The following SGCZ variants were observed in gnomAD, a reference collection of about 807,000 sequenced individuals.
The protein encoded by SGCZ is zeta-sarcoglycan.
In SGCZ, 40 loss-of-function variants were observed where a neutral mutation model predicts 41.3. The observed-to-expected ratio is 0.97, with a 90% CI of 0.75 to 1.26. The LOEUF is 1.26. Ranked by LOEUF, SGCZ falls within the 50% of genes most tolerant of loss-of-function variation. The probability of loss-of-function intolerance (pLI) is 0.00; values close to 1 mark genes in which losing one functional copy is unlikely to be tolerated. For synonymous variants in SGCZ, 206 were observed against 137.5 expected (o/e 1.50, Z -3.49); for missense variants, 552 against 369.8 (o/e 1.49, Z -4.04).
At chr8:15,039,108 T>A (rs1278339807) in intron 1 of SGCZ, among the ~76,000 whole-genome samples, 1 of 152,126 alleles carries the variant, frequency 6.6e-6, no homozygotes, top group East Asian at 1.9e-4. Flanking sequence ...TGCCATATGA[T>A]CCAGCAACTC....
At chr8:14,217,355 A>G (rs1806035339) in intron 4 of SGCZ, among the ~76,000 whole-genome samples, 1 of 151,572 alleles carries the variant, frequency 6.6e-6, no homozygotes, top group Non-Finnish European at 1.5e-5. Context: ...ACGCACACAT[A>G]CAAATGGATA....
chr8:14,999,434 G>C lies in SGCZ; in HGVS notation c.39+238151C>G, dbSNP rs537849433. ...AGAATGGGTTAGCCAGGCAAAGGAGGAGGAGGAAGAGGAGGAAAAAGTTCT... is the reference window on the plus strand; with the variant it reads ...AGAATGGGTTAGCCAGGCAAAGGAGCAGGAGGAAGAGGAGGAAAAAGTTCT... On this transcript the variant is annotated intron_variant, in intron 1 of 7. Transcript: ENST00000382080. Among the ~76,000 whole-genome samples the C allele has an allele frequency of 7.0e-4, 106 of 152,246 alleles. 1 individual carries two copies. The highest frequency in any genetic ancestry group is 3.4e-3 in the Middle Eastern group (1 of 294).
intron 1 of SGCZ, among the ~76,000 whole-genome samples, chr8:14,908,929 T>A (rs1203194988): frequency 6.6e-6 from 1 of 152,176 alleles, no homozygotes; most frequent in Non-Finnish European, 1.5e-5. Context: ...CAAATGTTTT[T>A]CTTGCAGATT....
At chr8:15,089,968 C>T (rs950189953) in intron 1 of SGCZ, among the ~76,000 whole-genome samples, 2 of 152,142 alleles carry the variant, frequency 1.3e-5, no homozygotes, top group South Asian at 2.1e-4. Flanking sequence ...TGAGATAATA[C>T]GGTTATCAGA....
chr8:14,692,439 A>G (rs192091792), intron 1 of SGCZ, among the ~76,000 whole-genome samples: 64 of 152,282 alleles, frequency 4.2e-4, no homozygotes, highest in African/African-American at 1.5e-3. Context: ...AATAATACCT[A>G]CATACTATAA....
intron 4 of SGCZ, among the ~76,000 whole-genome samples, chr8:14,230,446 A>T (rs144408150): frequency 6.6e-6 from 1 of 152,104 alleles, no homozygotes; most frequent in Non-Finnish European, 1.5e-5. Context: ...AAATACTCAT[A>T]TTCCCCACAG....
chr8:14,185,509 C>T lies in SGCZ; in HGVS notation c.425-20807G>A, dbSNP rs1430061117. ...ATCTACCATATACTTTATTTTTTTTCAAAATTCAGTGGCTTCAGACCTCAT... is the reference window on the plus strand; with the variant it reads ...ATCTACCATATACTTTATTTTTTTTTAAAATTCAGTGGCTTCAGACCTCAT... On this transcript the variant is annotated intron_variant, in intron 4 of 7. Coordinates refer to ENST00000382080, the MANE Select transcript of SGCZ (RefSeq NM_139167.4). 4.6e-5 allele frequency among the ~76,000 whole-genome samples: 7 copies of T among 151,720 alleles called. No individual in the cohort carries two copies. In the East Asian group the frequency reaches 1.2e-3, roughly 25 times the overall value.
At chr8:14,509,879 A>G (rs13249046) in intron 2 of SGCZ, among the ~76,000 whole-genome samples, 1 of 151,956 alleles carries the variant, frequency 6.6e-6, no homozygotes, top group Non-Finnish European at 1.5e-5. Context: ...AAACCATGAG[A>G]TTTCATGAGA....
intron 1 of SGCZ, among the ~76,000 whole-genome samples, chr8:14,725,926 T>A (rs1161532948): frequency 2.0e-5 from 3 of 152,108 alleles, no homozygotes; most frequent in Non-Finnish European, 4.4e-5. Flanking sequence ...TATATAGAAA[T>A]ATAAAAATTT....
At position 15,208,117 on chromosome 8, in the gene SGCZ, GA is replaced by G. The variant is rs1195902672; in HGVS notation, c.39+29467del. 6.6e-5 allele frequency among the ~76,000 whole-genome samples: 10 copies of G among 152,124 alleles called. No individual in the cohort carries two copies. In the East Asian group the frequency reaches 1.5e-3, roughly 23 times the overall value. ...ATAAAACAGCAAATAAAACACATTG[GA>G]AAACAGATACAGTGAGAAATAATGC... is the stretch of plus-strand genomic sequence containing the variant. On this transcript the variant is annotated intron_variant, in intron 1 of 7. Transcript: ENST00000382080.
chr8:14,372,330 G>C (rs575757359), intron 2 of SGCZ, among the ~76,000 whole-genome samples: 11 of 152,204 alleles, frequency 7.2e-5, no homozygotes, highest in African/African-American at 2.6e-4. Context: ...CTATTATAAA[G>C]AAACATCAGA....
chr8:14,442,563 C>A (rs939092651), intron 2 of SGCZ, among the ~76,000 whole-genome samples: 1 of 152,164 alleles, frequency 6.6e-6, no homozygotes, highest in Non-Finnish European at 1.5e-5. Context: ...AAATTAAATT[C>A]ACCTGGTGGG....
At chr8:15,066,912 C>T (rs557875740) in intron 1 of SGCZ, among the ~76,000 whole-genome samples, 43 of 152,134 alleles carry the variant, frequency 2.8e-4, no homozygotes, top group Non-Finnish European at 6.2e-4. Flanking sequence ...CAAATACAAT[C>T]TCTCTCAAAA....
At chr8:15,078,894 G>T (rs955911248) in intron 1 of SGCZ, among the ~76,000 whole-genome samples, 6 of 151,864 alleles carry the variant, frequency 4.0e-5, no homozygotes, top group African/African-American at 1.5e-4. Context: ...TCTACTATAA[G>T]CAAGAATTTA....
chr8:14,248,672 G>C (rs573080369), intron 3 of SGCZ, among the ~76,000 whole-genome samples: 1 of 151,922 alleles, frequency 6.6e-6, no homozygotes, highest in Non-Finnish European at 1.5e-5. Flanking sequence ...GAGAGCTTAA[G>C]AGAAAAAATT....
intron 1 of SGCZ, among the ~76,000 whole-genome samples, chr8:14,728,034 C>T (rs1453542176): frequency 1.3e-5 from 2 of 151,964 alleles, no homozygotes; most frequent in Non-Finnish European, 2.9e-5. Flanking sequence ...TATATGAATT[C>T]GAAGACTAGG....
intron 2 of SGCZ, among the ~76,000 whole-genome samples, chr8:14,552,395 A>G (rs1023151330): frequency 6.6e-6 from 1 of 152,006 alleles, no homozygotes; most frequent in Non-Finnish European, 1.5e-5. Flanking sequence ...TACATTCCTG[A>G]AAACTTCATC....
intron 2 of SGCZ, among the ~76,000 whole-genome samples, chr8:14,532,426 G>T (rs537727004): frequency 3.4e-4 from 51 of 152,012 alleles, no homozygotes; most frequent in African/African-American, 1.2e-3. Context: ...TGTCCTCAAT[G>T]ATTACTACAT....
At chr8:15,147,147 G>T (rs1236963007) in intron 1 of SGCZ, among the ~76,000 whole-genome samples, 1 of 152,056 alleles carries the variant, frequency 6.6e-6, no homozygotes, top group Non-Finnish European at 1.5e-5. Flanking sequence ...TATTAATACT[G>T]CTGGTAGAAC....
Sources: gnomAD v4.1 joint callset for allele counts (sites outside exome capture counted in the v4.1 genomes callset) on GRCh38, gnomAD v4.1.1 for gene constraint, MANE v1.5 for transcripts, NCBI Gene and HGNC (gene_info 2026-07-23, HGNC 2026-07-21) for gene names.